ZNF276: variants seen among roughly 807,000 people sequenced by gnomAD.
The protein encoded by ZNF276 is zinc finger protein 276, also known as centromere protein Z.
A neutral mutation model predicts 63.9 loss-of-function variants in ZNF276; 59 were observed. That is an observed-to-expected ratio of 0.92 (90% CI 0.75 to 1.15). The LOEUF (loss-of-function observed/expected upper bound fraction) is 1.15. Ranked by LOEUF, ZNF276 falls within the 50% of genes most tolerant of loss-of-function variation. The pLI is 0.00. For missense variants in ZNF276, 1,084 were observed against 843.8 expected (o/e 1.28, Z -3.53); for synonymous variants, 496 against 348.4 (o/e 1.42, Z -4.72).
chr16:89,729,153 GGTATCTT>G, intron 5 of ZNF276, 75 bp from the exon 6 acceptor site: 1 of 1,093,200 alleles, frequency 9.1e-7, no homozygotes, highest in South Asian at 1.3e-5. Context: ...GGGTCCATTT[GGTATCTT>G]TAGGCAGGAG....
At chr16:89,733,136 C>T (rs1369888977) in intron 6 of ZNF276, 166 bp from the exon 7 acceptor site, 18 of 672,328 alleles carry the variant, frequency 2.7e-5, no homozygotes, top group Non-Finnish European at 3.1e-5. Context: ...GCCTCCTGTC[C>T]AGAGTTGCTC....
upstream of ZNF276, chr16:89,721,425 G>A: frequency 2.3e-6 from 1 of 430,882 alleles, no homozygotes; most frequent in Non-Finnish European, 4.1e-6. Context: ...GAGGGGAGCG[G>A]TACGAGCGGG....
chr16:89,729,488 A>C (rs1424808928), intron 6 of ZNF276, among the ~76,000 whole-genome samples, 170 bp downstream of exon 6: 1 of 151,394 alleles, frequency 6.6e-6, no homozygotes, highest in African/African-American at 2.4e-5. Flanking sequence ...GGGGAGGGGC[A>C]GGCGGGCAGG....
rs771677629 is a variant in ZNF276, at chr16:89,723,286, T to C, written c.583T>C (p.Cys195Arg). Residue 195 changes from cysteine (C) to arginine (R), a missense_variant, in exon 4 of 11, where the codon TGC (cysteine) becomes CGC (arginine). Coordinates refer to ENST00000443381, the MANE Select transcript of ZNF276 (RefSeq NM_001113525.2). ...LVDLITSSPQ[C>R]LHGLVGWVHG... Reference sequence around the variant, plus strand: ...GGATCTGATCACATCCAGCCCCCAGTGCCTGCACGGCTTGGTGGGGTGGGT... The same window carrying C: ...GGATCTGATCACATCCAGCCCCCAGCGCCTGCACGGCTTGGTGGGGTGGGT... 1 of 1,613,034 alleles carries C rather than the reference T, an allele frequency of 6.2e-7. No homozygotes were observed. Among genetic ancestry groups the C allele is most frequent in the Non-Finnish European group, 8.5e-7 (1 of 1,179,948 alleles).
chr16:89,728,592 C>CG (rs1567572263), intron 5 of ZNF276, among the ~76,000 whole-genome samples: 1 of 151,974 alleles, frequency 6.6e-6, no homozygotes, highest in Non-Finnish European at 1.5e-5. Flanking sequence ...TTAGCAGAGA[C>CG]GGGGTTTCAC....
At chr16:89,720,886 C>A, upstream of ZNF276, 2 of 1,336,404 alleles carry the variant, frequency 1.5e-6, no homozygotes, top group Admixed American at 3.5e-5. Context: ...GAGGCGGCGG[C>A]GGTAGCCGAG....
chr16:89,726,404 T>A (rs1439233986), intron 4 of ZNF276, among the ~76,000 whole-genome samples: 2 of 152,022 alleles, frequency 1.3e-5, no homozygotes, highest in African/African-American at 2.4e-5. Context: ...TCCATGTTGG[T>A]AAGGCTGGTC....
intron 9 of ZNF276, chr16:89,737,536 CAA>C (rs2061976640): frequency 2.2e-6 from 1 of 452,236 alleles, no homozygotes; most frequent in African/African-American, 2.0e-5. Flanking sequence ...AAAAAAAAGA[CAA>C]GAATCTGTGG....
chr16:89,734,375 G>T (rs1325411279), intron 9 of ZNF276, among the ~76,000 whole-genome samples: 1 of 152,028 alleles, frequency 6.6e-6, no homozygotes, highest in African/African-American at 2.4e-5. Flanking sequence ...GCCCAGGCTG[G>T]AGTGCAGTGG....
upstream of ZNF276, chr16:89,720,905 C>T (rs2061247847): frequency 2.3e-6 from 3 of 1,279,826 alleles, no homozygotes; most frequent in Non-Finnish European, 3.0e-6. Context: ...AGGGGCTGGA[C>T]GGGCGACCGG....
intron 9 of ZNF276, among the ~76,000 whole-genome samples, chr16:89,735,643 G>GT (rs1212699790): frequency 1.3e-5 from 2 of 152,070 alleles, no homozygotes; most frequent in Non-Finnish European, 2.9e-5. Context: ...GGCTAAGGCA[G>GT]TAGGATTGCT....
rs1157717956 is a variant in ZNF276 at position 89,740,848 on chromosome 16, AGAAAAG to A, written c.*2608_*2613del. 2 of 1,613,538 alleles carry A rather than the reference AGAAAAG, an allele frequency of 1.2e-6. No homozygotes were observed. The highest frequency in any genetic ancestry group is 1.7e-5 in the Admixed American group (1 of 59,962). ...GACAGCAGGCCCATCAAGGAGAAGA[AGAAAAG>A]GAAAACCAATAGCTGTAAATAAAAA... On this transcript the variant is annotated 3_prime_UTR_variant, in exon 11 of 11. Transcript: ENST00000443381.
chr16:89,733,514 A>G lies in ZNF276; in HGVS notation c.1313A>G (p.Tyr438Cys). The G allele has an allele frequency of 6.2e-7, 1 of 1,614,122 alleles. No individual in the cohort carries two copies. Among genetic ancestry groups the G allele is most frequent in the South Asian group, 1.1e-5 (1 of 91,086 alleles). ...CTTCCCACCATCTACAAGTGTCCTT[A>G]CCAGGGCTGCACGGCCGTGTACCGA... ...EELPTIYKCPYQGCTAVYRGA... is the reference protein window; with the variant it reads ...EELPTIYKCPCQGCTAVYRGA... The change falls in exon 8 of 11, where the codon TAC becomes TGC. Residue 438 changes from tyrosine (Y) to cysteine (C), a missense_variant. Physicochemically the swap from Tyr to Cys is radical, Grantham distance 194 (BLOSUM62 -2). Coordinates refer to ENST00000443381, the MANE Select transcript of ZNF276 (RefSeq NM_001113525.2).
In ZNF276 at chr16:89,738,440, A is replaced by T. The variant is rs923490846; in HGVS notation, c.*194A>T. On this transcript the variant is annotated 3_prime_UTR_variant, in exon 11 of 11. Transcript: ENST00000443381. ...GTGGTTTATTTTCCCGCAAACGCTG[A>T]GTGACTCGGGGCCGGACAGTTCATA... The T allele has an allele frequency of 1.1e-5, 15 of 1,384,796 alleles. No individual in the cohort carries two copies. Among genetic ancestry groups the T allele is most frequent in the Admixed American group, 8.2e-5 (4 of 49,070 alleles). The allele number at this position is 1,384,796 out of a possible 1,614,324, so 85.8% of individuals were successfully genotyped here.
rs200284171 is a variant in ZNF276, at chr16:89,738,888, C to G, written c.*642C>G. The G allele has an allele frequency of 4.3e-6, 7 of 1,614,230 alleles. No homozygotes were observed. The highest frequency in any genetic ancestry group is 5.9e-6 in the Non-Finnish European group (7 of 1,180,050). ...GTGGGCATCTTGACGTTACCTCTGC[C>G]ACGTGTGAGAAGCTCTTTTTCGGGC... is the stretch of plus-strand genomic sequence containing the variant. On this transcript the variant is annotated 3_prime_UTR_variant, in exon 11 of 11. Coordinates refer to ENST00000443381, the MANE Select transcript of ZNF276 (RefSeq NM_001113525.2).
chr16:89,728,550 C>T (rs1358034280), intron 5 of ZNF276, among the ~76,000 whole-genome samples: 2 of 152,284 alleles, frequency 1.3e-5, no homozygotes, highest in Admixed American at 6.5e-5. Context: ...CTACAGGCAC[C>T]CGCCACCACG....
At position 89,739,079 on chromosome 16, in the gene ZNF276, G is replaced by C. The variant is rs1191474537; in HGVS notation, c.*833G>C. The C allele has an allele frequency of 6.2e-7, 1 of 1,613,892 alleles. No homozygotes were observed. Among genetic ancestry groups the C allele is most frequent in the Non-Finnish European group, 8.5e-7 (1 of 1,179,830 alleles). ...GTGCCGGAACATTCTTTGGCAGAAG[G>C]AGCCTCCGGCTGGGGGGAGCTCCCC... On this transcript the variant is annotated 3_prime_UTR_variant, in exon 11 of 11. Transcript: ENST00000443381.
At chr16:89,727,897 C>T (rs570495398) in intron 5 of ZNF276, among the ~76,000 whole-genome samples, 1 of 152,232 alleles carries the variant, frequency 6.6e-6, no homozygotes, top group Admixed American at 6.5e-5. Context: ...GAGGACGGGC[C>T]TCAGAAGGGA....
In ZNF276 at chr16:89,723,359, C is replaced by T. The variant is rs746665315; in HGVS notation, c.656C>T (p.Thr219Ile). The T allele has an allele frequency of 2.5e-6, 4 of 1,612,928 alleles. No homozygotes were observed. In the East Asian group the frequency reaches 6.7e-5, roughly 27 times the overall value. The change falls in exon 4 of 11, where the codon ACA becomes ATA. Residue 219 changes from threonine (T) to isoleucine (I), a missense_variant. Physicochemically the swap from Thr to Ile is moderately conservative, Grantham distance 89 (BLOSUM62 -1). Coordinates refer to ENST00000443381, the MANE Select transcript of ZNF276 (RefSeq NM_001113525.2). ...GGGGCCCTGCCCCACCTTCAGAGGACACTGTCCTCCGAGTACTGCGGCGTC... is the reference window on the plus strand; with the variant it reads ...GGGGCCCTGCCCCACCTTCAGAGGATACTGTCCTCCGAGTACTGCGGCGTC... ...SCGALPHLQRTLSSEYCGVIQ... is the reference protein window; with the variant it reads ...SCGALPHLQRILSSEYCGVIQ...
Sources: gnomAD v4.1 joint callset for allele counts (sites outside exome capture counted in the v4.1 genomes callset) on GRCh38, gnomAD v4.1.1 for gene constraint, MANE v1.5 for transcripts, NCBI Gene and HGNC (gene_info 2026-07-23, HGNC 2026-07-21) for gene names.